The following PFAS variants were observed in gnomAD, a reference collection of about 807,000 sequenced individuals.
PFAS encodes phosphoribosylformylglycinamidine synthase.
PFAS carries 97 observed loss-of-function variants against 140.6 expected under a neutral mutation model. The ratio of observed to expected loss-of-function variants is 0.69; its 90% CI spans 0.59 to 0.82. The LOEUF (loss-of-function observed/expected upper bound fraction) is 0.82. Ranked by LOEUF, PFAS falls within the 40% of genes least tolerant of loss-of-function variation. The probability of loss-of-function intolerance (pLI) is 0.00; values close to 1 mark genes in which losing one functional copy is unlikely to be tolerated. For missense variants in PFAS, 1,656 were observed against 1,780.2 expected (o/e 0.93, Z 1.26); for synonymous variants, 679 against 718.8 (o/e 0.94, Z 0.88).
chr17:8,258,225 A>G, intron 11 of PFAS, 26 bp downstream of exon 11: 1 of 1,612,648 alleles, frequency 6.2e-7, no homozygotes, highest in Non-Finnish European at 8.5e-7. Flanking sequence ...CTTTCTCTGG[A>G]TCCAGCCAGC....
intron 11 of PFAS, among the ~76,000 whole-genome samples, chr17:8,260,056 A>G (rs7225220): frequency 0.83 from 125,723 of 151,648 alleles, 52,326 homozygotes; most frequent in Non-Finnish European, 0.86. Context: ...AGCCAAGTTT[A>G]CGCCACTGCA....
intron 11 of PFAS, among the ~76,000 whole-genome samples, chr17:8,260,549 A>T (rs1462774440): frequency 1.3e-5 from 2 of 152,216 alleles, no homozygotes; most frequent in Non-Finnish European, 2.9e-5. Flanking sequence ...GTTGGTGGAC[A>T]TTGGGGTTGT....
Position 8,267,977 on chromosome 17 carries a change from ATT to A in PFAS, c.3382+313_3382+314del, listed in dbSNP as rs1006594658. Among the ~76,000 whole-genome samples, 43 of 143,896 alleles carry A rather than the reference ATT, an allele frequency of 3.0e-4. No individual in the cohort carries two copies. The highest frequency in any genetic ancestry group is 1.0e-3 in the African/African-American group (41 of 39,398). 94.4% of individuals were successfully genotyped at this position (143,896 alleles called of 152,430 possible). A position where few individuals can be genotyped will look rare whatever the true frequency, so the allele number is the denominator to read the frequency against. The stretch of plus-strand genomic sequence containing the variant: ...ATTAAAATATATATTATTTATATAT[ATT>A]ATTTATATATTATTAAAATATATTA... On this transcript the variant is annotated intron_variant, in intron 26 of 27. Coordinates refer to ENST00000314666, the MANE Select transcript of PFAS (RefSeq NM_012393.3). This position sits in a 1 kb window ranked among gnomAD's most constrained non-coding sequence, Gnocchi z 4.9.
Position 8,267,078 on chromosome 17 carries a change from G to C in PFAS, c.3018G>C (p.Glu1006Asp). ...GAVVLEEPVG[E>D]LRALWEETSF... ...TGGTTCTGGAGGAGCCTGTTGGGGA[G>C]CTGCGAGCCCTCTGGGAGGAGACGA... The change falls in exon 24 of 28, where the codon GAG becomes GAC. Residue 1006 changes from glutamate (E) to aspartate (D), a missense_variant. By Grantham distance (45) the Glu-to-Asp change is conservative (BLOSUM62 2). Transcript: ENST00000314666. The surrounding 1 kb of genome is among the most constrained non-coding windows in gnomAD (Gnocchi z 4.9). 1 of 1,614,080 alleles carries C rather than the reference G, an allele frequency of 6.2e-7. No individual in the cohort carries two copies.
In PFAS at chr17:8,263,638, TGGG is replaced by T. The variant is rs745930161; in HGVS notation, c.1629+3_1629+5del. The T allele has an allele frequency of 2.5e-6, 4 of 1,613,672 alleles. No individual in the cohort carries two copies. The East Asian group carries it at 8.9e-5, about 36-fold the overall frequency. On this transcript the variant is annotated splice_donor_5th_base_variant and intron_variant, in intron 14 of 27. Transcript: ENST00000314666. ...ATCATTTACACCAGCCGCTTCCAGG[TGGG>T]TCTCGTCCCCTGAAGTGTGACATTT...
At chr17:8,264,403 C>T in intron 16 of PFAS, 66 bp downstream of exon 16, 1 of 1,612,028 alleles carries the variant, frequency 6.2e-7, no homozygotes, top group Non-Finnish European at 8.5e-7. Context: ...ACCCTACGTG[C>T]ACTTTGTCGC....
chr17:8,263,298 C>T, intron 13 of PFAS, 33 bp downstream of exon 13: 2 of 1,611,306 alleles, frequency 1.2e-6, no homozygotes, highest in Non-Finnish European at 1.7e-6. Context: ...GAGACTGGGC[C>T]TGCCTGGTAT....
chr17:8,249,698 G>A (rs929576488), intron 1 of PFAS, among the ~76,000 whole-genome samples: 1 of 152,178 alleles, frequency 6.6e-6, no homozygotes, highest in African/African-American at 2.4e-5. Context: ...TACTGGGAAT[G>A]ATAGACGGAA....
rs1424769951 is a variant in PFAS at position 8,269,723 on chromosome 17, C to T, written c.*459C>T. On this transcript the variant is annotated 3_prime_UTR_variant, in exon 28 of 28. Transcript: ENST00000314666. ...CAGCCCCTCACCACCTCATTGTTCTCATCTGGAACTGAAACTTTCTGGATT... is the reference window on the plus strand; with the variant it reads ...CAGCCCCTCACCACCTCATTGTTCTTATCTGGAACTGAAACTTTCTGGATT... 1.2e-5 allele frequency: 2 copies of T among 164,306 alleles called. No homozygotes were observed. Among genetic ancestry groups the T allele is most frequent in the East Asian group, 3.5e-4 (2 of 5,746 alleles). The allele number at this position is 164,306 out of a possible 1,614,324, so 10.2% of individuals were successfully genotyped here.
upstream of PFAS, chr17:8,247,729 G>T: frequency 2.2e-6 from 1 of 453,516 alleles, no homozygotes; most frequent in Non-Finnish European, 4.0e-6. Context: ...CAGCCCCATA[G>T]TTCCCCCATT....
chr17:8,263,766 G>A lies in PFAS; in HGVS notation c.1630-9G>A. 1 of 1,612,838 alleles carries A rather than the reference G, an allele frequency of 6.2e-7. No homozygotes were observed. Among genetic ancestry groups the A allele is most frequent in the Non-Finnish European group, 8.5e-7 (1 of 1,179,014 alleles). On this transcript the variant is annotated splice_polypyrimidine_tract_variant and intron_variant, in intron 14 of 27. Transcript: ENST00000314666. ...GCCCTTCTCTTTCCTCCCCGCCGTG[G>A]CTGTGCAGCTTGGGGACCCAACCCT... is the stretch of plus-strand genomic sequence containing the variant.
chr17:8,257,593 G>A (rs185095667), intron 9 of PFAS, among the ~76,000 whole-genome samples: 1 of 152,140 alleles, frequency 6.6e-6, no homozygotes, highest in African/African-American at 2.4e-5. Flanking sequence ...CTCTGATTGC[G>A]AGATTCAGAG....
chr17:8,251,179 G>C (rs374231795), intron 1 of PFAS, among the ~76,000 whole-genome samples: 1 of 152,112 alleles, frequency 6.6e-6, no homozygotes, highest in Non-Finnish European at 1.5e-5. Context: ...TCAGCTACTC[G>C]GGAGACCGAG....
Position 8,256,517 on chromosome 17 carries a change from T to C in PFAS, c.822-7T>C. ...GGAAGCAAGGTCCATGACGGGTATG[T>C]CCACAGTGCAATCCAGGGAAAGGAA... On this transcript the variant is annotated splice_polypyrimidine_tract_variant and splice_region_variant and intron_variant, in intron 7 of 27. Transcript: ENST00000314666. The C allele has an allele frequency of 6.2e-7, 1 of 1,614,114 alleles. No individual in the cohort carries two copies. The highest frequency in any genetic ancestry group is 1.1e-5 in the South Asian group (1 of 91,082).
chr17:8,251,488 GTTGCCC>G (rs1989150526), intron 1 of PFAS, among the ~76,000 whole-genome samples: 7 of 151,192 alleles, frequency 4.6e-5, no homozygotes, highest in Non-Finnish European at 2.9e-5. Context: ...GTCTTACCAT[GTTGCCC>G]AGGGCTGGTC....
In PFAS at chr17:8,264,466, G is replaced by A. The variant is rs193263317; in HGVS notation, c.1918-4G>A. ...CACACTGCCTGTCGCTGTCTGTGTT[G>A]CAGGAGTTCTTCCTGCAGAGGAAGC... On this transcript the variant is annotated splice_region_variant and splice_polypyrimidine_tract_variant and intron_variant, in intron 16 of 27. Transcript: ENST00000314666. 1.2e-4 allele frequency: 198 copies of A among 1,613,456 alleles called. No homozygotes were observed. The highest frequency in any genetic ancestry group is 8.3e-4 in the Middle Eastern group (5 of 6,054).
At chr17:8,253,492 T>C (rs1274635042) in intron 1 of PFAS, among the ~76,000 whole-genome samples, 1 of 152,210 alleles carries the variant, frequency 6.6e-6, no homozygotes, top group Non-Finnish European at 1.5e-5. Context: ...CAATTTTCCT[T>C]GAAATCTGAA....
intron 11 of PFAS, among the ~76,000 whole-genome samples, chr17:8,260,513 G>A (rs139247227): frequency 6.6e-6 from 1 of 152,320 alleles, no homozygotes; most frequent in East Asian, 1.9e-4. Context: ...ATGTAGCTAT[G>A]TCGCATTTTG....
intron 18 of PFAS, 37 bp downstream of exon 18, chr17:8,265,162 G>C (rs751748312): frequency 1.3e-6 from 2 of 1,586,084 alleles, no homozygotes; most frequent in Non-Finnish European, 1.7e-6. Flanking sequence ...GGAGCCCCCG[G>C]GCTTCAGGAC....
Sources: gnomAD v4.1 joint callset for allele counts (sites outside exome capture counted in the v4.1 genomes callset) on GRCh38, gnomAD v4.1.1 for gene constraint, Gnocchi (gnomAD v3.1) non-coding constraint, MANE v1.5 for transcripts, NCBI Gene and HGNC (gene_info 2026-07-23, HGNC 2026-07-21) for gene names.